F13A1: variants seen among roughly 807,000 people sequenced by gnomAD.
F13A1 encodes the protein coagulation factor XIII A chain.
A neutral mutation model predicts 80.1 loss-of-function variants in F13A1; 47 were observed. The ratio of observed to expected loss-of-function variants is 0.59; its 90% confidence interval spans 0.46 to 0.75. The LOEUF (loss-of-function observed/expected upper bound fraction) is 0.75. Among genes scored for constraint, F13A1 ranks in the 30% least tolerant of loss-of-function variants. F13A1 has a pLI of 0.00. For synonymous variants in F13A1, 349 were observed against 344.9 expected (o/e 1.01, Z -0.13); for missense variants, 817 against 930.4 (o/e 0.88, Z 1.59).
chr6:6,313,772 T>C (rs1481935588), intron 2 of F13A1, among the ~76,000 whole-genome samples: 2 of 152,206 alleles, frequency 1.3e-5, no homozygotes, highest in East Asian at 3.8e-4. Context: ...ATTAAAAGCA[T>C]TTTCTTAAGT....
At chr6:6,224,919 G>T in intron 6 of F13A1, 59 bp from the exon 7 acceptor site, 2 of 1,564,032 alleles carry the variant, frequency 1.3e-6, no homozygotes, top group South Asian at 1.1e-5. Flanking sequence ...GTCTACTCCA[G>T]GCTATGCATG....
chr6:6,154,657 C>T (rs1254323334), intron 13 of F13A1, among the ~76,000 whole-genome samples: 1 of 152,208 alleles, frequency 6.6e-6, no homozygotes, highest in Non-Finnish European at 1.5e-5. Context: ...ACTTTCTTCC[C>T]AGAGGCCCTG....
At chr6:6,298,852 T>G (rs977435813) in intron 3 of F13A1, among the ~76,000 whole-genome samples, 4 of 149,372 alleles carry the variant, frequency 2.7e-5, no homozygotes, top group Non-Finnish European at 5.9e-5. Flanking sequence ...CTTGATGGTC[T>G]TTACATTTTG....
At chr6:6,277,002 A>G (rs1283103804) in intron 3 of F13A1, among the ~76,000 whole-genome samples, 1 of 152,128 alleles carries the variant, frequency 6.6e-6, no homozygotes, top group African/African-American at 2.4e-5. Context: ...TTAAAAACTG[A>G]GCCGCAGCCA....
chr6:6,179,090 A>G (rs1419217430), intron 11 of F13A1, among the ~76,000 whole-genome samples: 1 of 152,220 alleles, frequency 6.6e-6, no homozygotes, highest in East Asian at 1.9e-4. Flanking sequence ...TGTTTTTAAC[A>G]CAGCAGATAT....
chr6:6,240,741 A>G (rs1757473638), intron 6 of F13A1, among the ~76,000 whole-genome samples: 1 of 152,232 alleles, frequency 6.6e-6, no homozygotes, highest in Non-Finnish European at 1.5e-5. Context: ...CAATGAACAG[A>G]AATGAAAATC....
intron 10 of F13A1, among the ~76,000 whole-genome samples, chr6:6,183,152 A>G (rs1314429699): frequency 2.0e-5 from 3 of 152,204 alleles, no homozygotes; most frequent in African/African-American, 7.2e-5. Flanking sequence ...GGAAGCAGGT[A>G]GGAAGCATGA....
At chr6:6,161,524 A>ATGTGTGTGTGTGTGTGTGTGTG (rs143895728) in intron 13 of F13A1, among the ~76,000 whole-genome samples, 57 of 133,634 alleles carry the variant, frequency 4.3e-4, no homozygotes, top group Non-Finnish European at 7.2e-4. Context: ...CAGAGAGAGG[A>ATGTGTGTGTGTGTGTGTGTGTG]TGTGTGTGTG....
At chr6:6,282,127 G>A (rs1365542746) in intron 3 of F13A1, among the ~76,000 whole-genome samples, 1 of 152,104 alleles carries the variant, frequency 6.6e-6, no homozygotes, top group Non-Finnish European at 1.5e-5. Context: ...CTGAAAGGAG[G>A]TAAAATACTA....
intron 6 of F13A1, among the ~76,000 whole-genome samples, chr6:6,246,847 G>A (rs1482397461): frequency 6.6e-6 from 1 of 152,146 alleles, no homozygotes; most frequent in Non-Finnish European, 1.5e-5. Context: ...TGCTTAAGAA[G>A]GAATTAATTT....
chr6:6,197,119 T>A (rs1761304339), intron 9 of F13A1, 104 bp downstream of exon 9: 2 of 1,001,474 alleles, frequency 2.0e-6, no homozygotes, highest in East Asian at 2.5e-5. Flanking sequence ...ACACTTCAGA[T>A]GTTGCCTCCC....
intron 2 of F13A1, among the ~76,000 whole-genome samples, chr6:6,316,532 C>G (rs1758688790): frequency 6.6e-6 from 1 of 152,014 alleles, no homozygotes; most frequent in Non-Finnish European, 1.5e-5. Context: ...AAGCAGTAAT[C>G]CCAGATTTTA....
At chr6:6,282,673 T>A (rs938716568) in intron 3 of F13A1, among the ~76,000 whole-genome samples, 2 of 152,200 alleles carry the variant, frequency 1.3e-5, no homozygotes, top group African/African-American at 4.8e-5. Context: ...AAAATAGTCC[T>A]TGGTGGTTCA....
intron 12 of F13A1, among the ~76,000 whole-genome samples, chr6:6,168,888 C>T (rs1367084561): frequency 1.3e-5 from 2 of 152,178 alleles, no homozygotes; most frequent in African/African-American, 4.8e-5. Flanking sequence ...AACTCTCACA[C>T]CTGCGATGGA....
intron 12 of F13A1, among the ~76,000 whole-genome samples, chr6:6,171,350 A>G (rs1053295732): frequency 1.3e-5 from 2 of 152,188 alleles, no homozygotes; most frequent in East Asian, 3.8e-4. Flanking sequence ...GTTTCCCCAA[A>G]TGTAAACATG....
intron 3 of F13A1, among the ~76,000 whole-genome samples, chr6:6,291,256 C>T (rs1758221165): frequency 6.6e-6 from 1 of 152,034 alleles, no homozygotes; most frequent in African/African-American, 2.4e-5. Context: ...CACCCGTGCC[C>T]CTGTCCTCTA....
intron 3 of F13A1, among the ~76,000 whole-genome samples, chr6:6,293,160 C>G (rs902263424): frequency 6.6e-6 from 1 of 152,152 alleles, no homozygotes. Context: ...TGTGGTTGAA[C>G]TCCAGGGAGA....
intron 3 of F13A1, among the ~76,000 whole-genome samples, chr6:6,279,138 A>C (rs528169836): frequency 1.3e-5 from 2 of 152,310 alleles, no homozygotes; most frequent in South Asian, 4.1e-4. Context: ...TGGAGGTTGG[A>C]AATAGGGAAA....
intron 6 of F13A1, among the ~76,000 whole-genome samples, chr6:6,227,338 T>C (rs1158355938): frequency 6.6e-6 from 1 of 152,236 alleles, no homozygotes; most frequent in African/African-American, 2.4e-5. Context: ...ACCACACAGT[T>C]AATTTGTTCA....
Sources: gnomAD v4.1 joint callset for allele counts (sites outside exome capture counted in the v4.1 genomes callset) on GRCh38, gnomAD v4.1.1 for gene constraint, MANE v1.5 for transcripts, NCBI Gene and HGNC (gene_info 2026-07-23, HGNC 2026-07-21) for gene names.